Variants in ZFYVE28 observed in about 807,000 individuals in gnomAD.
The protein encoded by ZFYVE28 is lateral signaling target protein 2 homolog.
Under a neutral mutation model 82.1 loss-of-function variants are expected in ZFYVE28, and 40 were observed. The ratio of observed to expected loss-of-function variants is 0.49; its 90% CI spans 0.38 to 0.63. The LOEUF (loss-of-function observed/expected upper bound fraction) is 0.63. Among genes scored for constraint, ZFYVE28 ranks in the 30% least tolerant of loss-of-function variants. ZFYVE28 has a pLI of 0.00. For synonymous variants in ZFYVE28, 612 were observed against 546.1 expected, an observed-to-expected ratio of 1.12 and a Z score of -1.68; for missense variants, 1,321 against 1,242.1, an observed-to-expected ratio of 1.06 and a Z score of -0.96.
chr4:2,411,981 G>A lies in ZFYVE28; in HGVS notation c.39+6304C>T, dbSNP rs147257427. Among the ~76,000 whole-genome samples, 921 of 152,304 alleles carry A rather than the reference G, an allele frequency of 6.0e-3. 4 individuals carry two copies. The highest frequency in any genetic ancestry group is 0.02 in the Middle Eastern group (6 of 294). ...GCCCACACCGGCTGCAGTCAGCCCTGGTCCTGACAACCATAGAGGAGGCAG... is the reference window on the plus strand; with the variant it reads ...GCCCACACCGGCTGCAGTCAGCCCTAGTCCTGACAACCATAGAGGAGGCAG... On this transcript the variant is annotated intron_variant, in intron 1 of 12. Transcript: ENST00000290974.
intron 1 of ZFYVE28, among the ~76,000 whole-genome samples, chr4:2,360,317 G>C (rs1298621597): frequency 6.6e-6 from 1 of 151,264 alleles, no homozygotes; most frequent in Non-Finnish European, 1.5e-5. Context: ...GCTGTACCTT[G>C]ATTTCAGTAA....
chr4:2,393,214 G>T (rs376701768), intron 1 of ZFYVE28, among the ~76,000 whole-genome samples: 2 of 152,218 alleles, frequency 1.3e-5, no homozygotes, highest in Non-Finnish European at 2.9e-5. Context: ...CACCGCATCC[G>T]CTGCATAAAA....
intron 1 of ZFYVE28, among the ~76,000 whole-genome samples, chr4:2,368,632 C>T (rs1214549699): frequency 6.6e-6 from 1 of 152,206 alleles, no homozygotes; most frequent in East Asian, 1.9e-4. Flanking sequence ...GCAGTGTTTT[C>T]AAGGTTCATC....
intron 1 of ZFYVE28, among the ~76,000 whole-genome samples, chr4:2,371,331 T>G (rs1227891734): frequency 6.6e-6 from 1 of 152,196 alleles, no homozygotes; most frequent in African/African-American, 2.4e-5. Context: ...CAAATACAAC[T>G]TAGAAGCATT....
intron 8 of ZFYVE28, among the ~76,000 whole-genome samples, chr4:2,275,845 T>C (rs1426240249): frequency 1.5e-4 from 23 of 152,266 alleles, no homozygotes; most frequent in Non-Finnish European, 7.3e-5. Context: ...TGCAGGGTCT[T>C]AGACGCGGTG....
At chr4:2,284,183 C>T (rs747671302) in intron 8 of ZFYVE28, among the ~76,000 whole-genome samples, 3 of 152,306 alleles carry the variant, frequency 2.0e-5, no homozygotes, top group East Asian at 1.9e-4. Context: ...CACGTGTGTA[C>T]GCAGTGGAGG....
In ZFYVE28 at chr4:2,394,075, G is replaced by A. The variant is rs1423819749; in HGVS notation, c.39+24210C>T. ...CACGGCCGCCTCCCGGACCTTCAGA[G>A]CCAGCGGCATTGCACGTCTACAGCC... On this transcript the variant is annotated intron_variant, in intron 1 of 12. Coordinates refer to ENST00000290974, the MANE Select transcript of ZFYVE28 (RefSeq NM_020972.3). The surrounding 1 kb of genome is among the most constrained non-coding windows in gnomAD (Gnocchi z 4.0). Among the ~76,000 whole-genome samples the A allele has an allele frequency of 6.6e-6, 1 of 152,162 alleles. No individual in the cohort carries two copies. Among genetic ancestry groups the A allele is most frequent in the Non-Finnish European group, 1.5e-5 (1 of 68,028 alleles).
At chr4:2,290,088 C>G (rs1249631371) in intron 8 of ZFYVE28, among the ~76,000 whole-genome samples, 1 of 152,174 alleles carries the variant, frequency 6.6e-6, no homozygotes, top group Admixed American at 6.5e-5. Flanking sequence ...AGCGTGATGG[C>G]AGGCCCCGTC....
Position 2,320,205 on chromosome 4 carries a change from C to T in ZFYVE28, c.768G>A (p.Leu256=), listed in dbSNP as rs576783166. Residue 256 remains leucine (L), a synonymous_variant, in exon 7 of 13, where the codon CTG becomes CTA. Coordinates refer to ENST00000290974, the MANE Select transcript of ZFYVE28 (RefSeq NM_020972.3). The surrounding 1 kb of genome is among the most constrained non-coding windows in gnomAD (Gnocchi z 5.1). ...LDRKVEDMSE[L]FRPFHTLLRK... is the part of the protein sequence containing the mutation. ...GCAGCAACGTGTGGAAGGGCCGGAACAGCTCGGACATGTCTTCCACCTTGC... is the reference window on the plus strand; with the variant it reads ...GCAGCAACGTGTGGAAGGGCCGGAATAGCTCGGACATGTCTTCCACCTTGC... 31 of 1,613,324 alleles carry T rather than the reference C, an allele frequency of 1.9e-5. No individual in the cohort carries two copies. In the South Asian group the frequency reaches 3.4e-4, roughly 18 times the overall value.
chr4:2,308,876 CCT>C (rs1717101907), intron 7 of ZFYVE28, among the ~76,000 whole-genome samples: 1 of 152,084 alleles, frequency 6.6e-6, no homozygotes, highest in African/African-American at 2.4e-5. Flanking sequence ...ATCAGGGGTT[CCT>C]CTCTCTGAAT....
At chr4:2,346,735 C>G (rs1723658047) in intron 2 of ZFYVE28, among the ~76,000 whole-genome samples, 1 of 151,518 alleles carries the variant, frequency 6.6e-6, no homozygotes, top group Admixed American at 6.6e-5. Context: ...ACTAAAATAA[C>G]AAAACAAAGA....
chr4:2,397,265 T>TC lies in ZFYVE28; in HGVS notation c.39+21019dup, dbSNP rs201320613. Among the ~76,000 whole-genome samples, 811 of 152,062 alleles carry TC rather than the reference T, an allele frequency of 5.3e-3. 6 individuals are homozygous for TC. Among genetic ancestry groups the TC allele is most frequent in the Admixed American group, 9.6e-3 (147 of 15,270 alleles). ...GGTGGGTGGATCACCTGAGGTCAGG[T>TC]CAGGAGTTCAAGACCAGCCTGGCCA... On this transcript the variant is annotated intron_variant, in intron 1 of 12. Transcript: ENST00000290974.
rs534914086 is a variant in ZFYVE28, at chr4:2,289,279, C to T, written c.2051+15010G>A. Among the ~76,000 whole-genome samples, 492 of 152,298 alleles carry T rather than the reference C, an allele frequency of 3.2e-3. 4 individuals are homozygous for T. Among genetic ancestry groups the T allele is most frequent in the Non-Finnish European group, 5.7e-3 (386 of 68,012 alleles). On this transcript the variant is annotated intron_variant, in intron 8 of 12. Coordinates refer to ENST00000290974, the MANE Select transcript of ZFYVE28 (RefSeq NM_020972.3). The stretch of plus-strand genomic sequence containing the variant: ...CTTGGGTGACAGTAAGACCCTGCCT[C>T]AATAATTAAATTAAATTAATAAAAT...
chr4:2,412,546 A>C (rs567760466), intron 1 of ZFYVE28, among the ~76,000 whole-genome samples: 1 of 146,516 alleles, frequency 6.8e-6, no homozygotes, highest in African/African-American at 2.4e-5. Flanking sequence ...CTATTTAGAC[A>C]CATGACCGGC....
chr4:2,382,203 A>G (rs1262105068), intron 1 of ZFYVE28, among the ~76,000 whole-genome samples: 3 of 152,226 alleles, frequency 2.0e-5, no homozygotes, highest in Non-Finnish European at 2.9e-5. Context: ...GGCAGTGTGG[A>G]AGGGAAATGT....
chr4:2,276,611 G>C (rs11728378), intron 8 of ZFYVE28, among the ~76,000 whole-genome samples: 4,233 of 152,318 alleles, frequency 0.028, 86 homozygotes, highest in Middle Eastern at 0.075. Context: ...CCATACAACA[G>C]AATATTATTC....
intron 6 of ZFYVE28, chr4:2,324,749 G>C (rs577138797): frequency 6.3e-6 from 1 of 159,242 alleles, no homozygotes; most frequent in Non-Finnish European, 1.4e-5. Context: ...TTGTATCCAG[G>C]AGTAGATAAA....
Position 2,413,857 on chromosome 4 carries a change from T to C in ZFYVE28, c.39+4428A>G, listed in dbSNP as rs948416340. On this transcript the variant is annotated intron_variant, in intron 1 of 12. Transcript: ENST00000290974. ...GTGACTGCCCTCTCATAGGCCCCACTCGTGCCAGGCCCCAGTGTCCACCAA... is the reference window on the plus strand; with the variant it reads ...GTGACTGCCCTCTCATAGGCCCCACCCGTGCCAGGCCCCAGTGTCCACCAA... Among the ~76,000 whole-genome samples the C allele has an allele frequency of 9.2e-5, 14 of 151,586 alleles. No individual in the cohort carries two copies. The East Asian group carries it at 2.7e-3, about 30-fold the overall frequency.
intron 1 of ZFYVE28, among the ~76,000 whole-genome samples, chr4:2,401,646 GCCTTTT>G (rs1560343105): frequency 6.6e-6 from 1 of 152,142 alleles, no homozygotes; most frequent in Non-Finnish European, 1.5e-5. Context: ...CCATGGGCCT[GCCTTTT>G]TGGTCAGAGT....
Sources: allele counts gnomAD v4.1 joint callset (sites outside exome capture counted in the v4.1 genomes callset), GRCh38; gene constraint gnomAD v4.1.1; non-coding constraint Gnocchi (gnomAD v3.1); transcripts MANE v1.5; gene names NCBI Gene and HGNC (gene_info 2026-07-23, HGNC 2026-07-21).